The following PRKCA variants were observed in gnomAD, a reference collection of about 807,000 sequenced individuals.
The protein encoded by PRKCA is protein kinase C alpha.
Under a neutral mutation model 87.0 loss-of-function variants are expected in PRKCA, and 27 were observed. The ratio of observed to expected loss-of-function variants is 0.31; its 90% CI spans 0.23 to 0.43. The LOEUF is 0.43. Ranked by LOEUF, PRKCA falls within the 20% of genes least tolerant of loss-of-function variation. PRKCA has a pLI of 1.00. For synonymous variants in PRKCA, 329 were observed against 311.1 expected, an observed-to-expected ratio of 1.06 and a Z score of -0.61; for missense variants, 518 against 852.3, an observed-to-expected ratio of 0.61 and a Z score of 4.88.
At chr17:66,594,526 CTAGGAAAGA>C (rs1357939092) in intron 3 of PRKCA, among the ~76,000 whole-genome samples, 1 of 152,034 alleles carries the variant, frequency 6.6e-6, no homozygotes, top group Non-Finnish European at 1.5e-5. Flanking sequence ...CTCAGGCACT[CTAGGAAAGA>C]TACATTACTC....
chr17:66,496,415 TGTA>T (rs1310589702), intron 3 of PRKCA, 132 bp downstream of exon 3: 8 of 717,170 alleles, frequency 1.1e-5, no homozygotes, highest in Non-Finnish European at 1.9e-5. Flanking sequence ...AGCGTTGGCT[TGTA>T]GTAATGAGCA....
chr17:66,691,883 T>C (rs1344030117), intron 8 of PRKCA, among the ~76,000 whole-genome samples: 2 of 152,364 alleles, frequency 1.3e-5, no homozygotes, highest in East Asian at 3.9e-4. Context: ...ACCCACTCTT[T>C]GTGCTTCATT....
chr17:66,669,664 C>T (rs1287876803), intron 5 of PRKCA, among the ~76,000 whole-genome samples: 4 of 152,078 alleles, frequency 2.6e-5, no homozygotes, highest in Non-Finnish European at 5.9e-5. Flanking sequence ...CTTTGGGAGG[C>T]CGAAGTTGGG....
intron 2 of PRKCA, among the ~76,000 whole-genome samples, chr17:66,389,859 A>G (rs1048436843): frequency 1.3e-5 from 2 of 152,272 alleles, no homozygotes; most frequent in African/African-American, 4.8e-5. Flanking sequence ...TGCCCATGCA[A>G]AATGCACACG....
chr17:66,763,616 G>A (rs1174320139), intron 13 of PRKCA, among the ~76,000 whole-genome samples: 1 of 152,152 alleles, frequency 6.6e-6, no homozygotes, highest in African/African-American at 2.4e-5. Flanking sequence ...GAAAAAGAAA[G>A]GATATTCTTT....
chr17:66,726,150 G>A (rs904926494), intron 8 of PRKCA, among the ~76,000 whole-genome samples: 2 of 137,542 alleles, frequency 1.5e-5, no homozygotes, highest in African/African-American at 2.7e-5. Context: ...TCAGGTGTTT[G>A]CAGGTGTGCA....
In PRKCA at chr17:66,645,530, G is replaced by C; in HGVS notation, c.529+19G>C. The C allele has an allele frequency of 6.2e-7, 1 of 1,613,998 alleles. No individual in the cohort carries two copies. Among genetic ancestry groups the C allele is most frequent in the South Asian group, 1.1e-5 (1 of 91,048 alleles). ...GTCACAGGTAAGGCTTGCTCATCCC[G>C]GAGCAGCATCGTGGGCAGGCATTTG... On this transcript the variant is annotated intron_variant, in intron 5 of 16. Coordinates refer to ENST00000413366, the MANE Select transcript of PRKCA (RefSeq NM_002737.3).
chr17:66,422,246 GA>G (rs1306819227), intron 2 of PRKCA, among the ~76,000 whole-genome samples: 2 of 152,122 alleles, frequency 1.3e-5, no homozygotes, highest in African/African-American at 4.8e-5. Flanking sequence ...GATTTGAGGG[GA>G]GACTAACATG....
At chr17:66,406,697 C>G (rs957826262) in intron 2 of PRKCA, among the ~76,000 whole-genome samples, 1 of 143,104 alleles carries the variant, frequency 7.0e-6, no homozygotes, top group East Asian at 2.2e-4. Flanking sequence ...AGAATGCATT[C>G]GATCAGTTGG....
intron 3 of PRKCA, among the ~76,000 whole-genome samples, chr17:66,615,302 A>C (rs150211744): frequency 6.6e-6 from 1 of 152,058 alleles, no homozygotes; most frequent in African/African-American, 2.4e-5. Flanking sequence ...GCCCAGCTCA[A>C]ATGAGGGTTC....
At chr17:66,449,478 A>G (rs913084918) in intron 2 of PRKCA, among the ~76,000 whole-genome samples, 1 of 152,112 alleles carries the variant, frequency 6.6e-6, no homozygotes, top group Non-Finnish European at 1.5e-5. Flanking sequence ...ATATTCTTTC[A>G]ATTGAACCTC....
chr17:66,719,536 G>A (rs1027922316), intron 8 of PRKCA, among the ~76,000 whole-genome samples: 1 of 152,228 alleles, frequency 6.6e-6, no homozygotes, highest in Non-Finnish European at 1.5e-5. Flanking sequence ...TTTGGCCGAG[G>A]TGGGTGGATC....
intron 16 of PRKCA, among the ~76,000 whole-genome samples, chr17:66,798,554 ATGG>A (rs1975760178): frequency 4.3e-4 from 1 of 2,304 alleles, no homozygotes; most frequent in Admixed American, 6.0e-3. Context: ...GGTGGTGGTG[ATGG>A]TGGTGGTGGT....
rs1220670693 is a variant in PRKCA, at chr17:66,723,066, T to C, written c.919-9622T>C. ...GACCCATTGCCTCTCCTGCCCCCCT[T>C]AGGAGGGTGTGGGAGCCCACGGGGA... On this transcript the variant is annotated intron_variant, in intron 8 of 16. Coordinates refer to ENST00000413366, the MANE Select transcript of PRKCA (RefSeq NM_002737.3). 5.3e-5 allele frequency among the ~76,000 whole-genome samples: 8 copies of C among 152,254 alleles called. No homozygotes were observed. The East Asian group carries it at 1.5e-3, about 29-fold the overall frequency.
chr17:66,715,262 G>A (rs1973445265), intron 8 of PRKCA, among the ~76,000 whole-genome samples: 1 of 151,966 alleles, frequency 6.6e-6, no homozygotes, highest in Non-Finnish European at 1.5e-5. Context: ...GTTATAGCTT[G>A]GGTGCGTTTT....
At chr17:66,370,228 CTTTTTTT>C (rs35851942) in intron 2 of PRKCA, among the ~76,000 whole-genome samples, 47 of 112,242 alleles carry the variant, frequency 4.2e-4, no homozygotes, top group South Asian at 8.6e-4. Flanking sequence ...TATTTTGATA[CTTTTTTT>C]TTTTTTTTTT....
At chr17:66,658,491 A>C (rs201526785) in intron 5 of PRKCA, among the ~76,000 whole-genome samples, 16 of 150,384 alleles carry the variant, frequency 1.1e-4, no homozygotes, top group African/African-American at 3.0e-4. Flanking sequence ...CTGTCTTCAA[A>C]AACAACAACA....
chr17:66,801,370 A>T (rs1285790230), intron 16 of PRKCA, among the ~76,000 whole-genome samples: 3 of 152,182 alleles, frequency 2.0e-5, no homozygotes, highest in African/African-American at 4.8e-5. Context: ...CACCCAAGTC[A>T]TGATGACCAA....
At chr17:66,305,693 C>T (rs1904778806) in intron 1 of PRKCA, among the ~76,000 whole-genome samples, 1 of 152,136 alleles carries the variant, frequency 6.6e-6, no homozygotes. Flanking sequence ...GAGATAAAAA[C>T]AATTTTCATT....
Sources: gnomAD v4.1 joint callset for allele counts (sites outside exome capture counted in the v4.1 genomes callset) on GRCh38, gnomAD v4.1.1 for gene constraint, MANE v1.5 for transcripts, NCBI Gene and HGNC (gene_info 2026-07-23, HGNC 2026-07-21) for gene names.